Variants in PPIL2 observed in about 807,000 individuals in gnomAD.
PPIL2 encodes the protein peptidylprolyl isomerase like 2, also known as RING-type E3 ubiquitin-protein ligase PPIL2.
In PPIL2, 50 loss-of-function variants were observed where a neutral mutation model predicts 75.2. The ratio of observed to expected loss-of-function variants is 0.66; its 90% CI spans 0.53 to 0.84. The LOEUF (loss-of-function observed/expected upper bound fraction) is 0.84, where lower values mean the gene tolerates loss of function less well. PPIL2 is among the 40% of genes least tolerant of loss of function. The pLI is 0.00. For missense variants in PPIL2, 590 were observed against 685.0 expected, an observed-to-expected ratio of 0.86 and a Z score of 1.55; for synonymous variants, 245 against 258.8, an observed-to-expected ratio of 0.95 and a Z score of 0.51.
Position 21,671,469 on chromosome 22 carries a change from T to C in PPIL2, c.191+410T>C, listed in dbSNP as rs1283021189. ...ATAACACTGTGAACACTGTGAAGTG[T>C]TGACAGGTAACACTCTGTGGATCTA... is the stretch of plus-strand genomic sequence containing the variant. On this transcript the variant is annotated intron_variant, in intron 4 of 19. Coordinates refer to ENST00000398831, the MANE Select transcript of PPIL2 (RefSeq NM_014337.4). Among the ~76,000 whole-genome samples, 5 of 152,382 alleles carry C rather than the reference T, an allele frequency of 3.3e-5. No individual in the cohort carries two copies. In the East Asian group the frequency reaches 7.7e-4, roughly 23 times the overall value.
At chr22:21,673,735 T>G (rs1159107446) in intron 5 of PPIL2, 1 of 152,520 alleles carries the variant, frequency 6.6e-6, no homozygotes, top group East Asian at 1.9e-4. Context: ...TGCTGTGTGC[T>G]TGCTTGGCCA....
intron 1 of PPIL2, among the ~76,000 whole-genome samples, chr22:21,669,639 A>C (rs1416702892): frequency 6.6e-6 from 1 of 152,204 alleles, no homozygotes; most frequent in East Asian, 1.9e-4. Context: ...AGCTGGGATT[A>C]CAGGCACCCA....
rs2067946856 is a variant in PPIL2, at chr22:21,696,678, A to G, written c.*1188A>G. ...CCACCCCCCACTTCTAGTTCTTCAC[A>G]CTAAGCCCTAACTTAGGCCTTGTTC... On this transcript the variant is annotated 3_prime_UTR_variant, in exon 20 of 20. Coordinates refer to ENST00000398831, the MANE Select transcript of PPIL2 (RefSeq NM_014337.4). 5 of 1,533,376 alleles carry G rather than the reference A, an allele frequency of 3.3e-6. No homozygotes were observed. The highest frequency in any genetic ancestry group is 1.4e-5 in the African/African-American group (1 of 73,066). 95.0% of individuals were successfully genotyped at this position (1,533,376 alleles called of 1,614,324 possible). A position where few individuals can be genotyped will look rare whatever the true frequency, so the allele number is the denominator to read the frequency against.
At chr22:21,666,963 A>C (rs2066409478) in intron 1 of PPIL2, among the ~76,000 whole-genome samples, 1 of 62,816 alleles carries the variant, frequency 1.6e-5, no homozygotes, top group Non-Finnish European at 3.5e-5. Context: ...CTCAAGTCAG[A>C]ATTTCGACCC....
rs1238950266 is a variant in PPIL2 at position 21,688,645 on chromosome 22, C to T, written c.1022-87C>T. 1.2e-5 allele frequency: 16 copies of T among 1,318,152 alleles called. 1 individual carries two copies. The highest frequency in any genetic ancestry group is 5.8e-5 in the African/African-American group (4 of 68,706). 81.7% of individuals were successfully genotyped at this position (1,318,152 alleles called of 1,614,324 possible). A position where few individuals can be genotyped will look rare whatever the true frequency, so the allele number is the denominator to read the frequency against. On this transcript the variant is annotated intron_variant, in intron 14 of 19. Coordinates refer to ENST00000398831, the MANE Select transcript of PPIL2 (RefSeq NM_014337.4). ...TGCCCCAGGCTGGGCTCAGCAAGGCCCTGATGCCCCTCGGGACTCTGAGGT... is the reference window on the plus strand; with the variant it reads ...TGCCCCAGGCTGGGCTCAGCAAGGCTCTGATGCCCCTCGGGACTCTGAGGT...
intron 1 of PPIL2, among the ~76,000 whole-genome samples, chr22:21,668,119 T>C (rs750384881): frequency 3.9e-4 from 59 of 152,006 alleles, no homozygotes; most frequent in Admixed American, 2.6e-4. Flanking sequence ...ACTCTTGATT[T>C]TCAGCTCTTG....
At chr22:21,666,276 C>T (rs1334882903) in intron 1 of PPIL2, 145 bp downstream of exon 1, 1 of 1,004,488 alleles carries the variant, frequency 1.0e-6, no homozygotes, top group Non-Finnish European at 1.4e-6. Flanking sequence ...GCCGCCCTGT[C>T]TCCAGTCAGG....
Position 21,672,395 on chromosome 22 carries a change from C to T in PPIL2, c.243+14C>T, listed in dbSNP as rs1183754298. On this transcript the variant is annotated intron_variant, in intron 5 of 19. Transcript: ENST00000398831. ...AGCAATGGAGAGGTAGGTGGCTGTGCAGGAGTTTCAGTGATGCTAGTGAAT... is the reference window on the plus strand; with the variant it reads ...AGCAATGGAGAGGTAGGTGGCTGTGTAGGAGTTTCAGTGATGCTAGTGAAT... 1.3e-6 allele frequency: 2 copies of T among 1,594,214 alleles called. No individual in the cohort carries two copies. Among genetic ancestry groups the T allele is most frequent in the South Asian group, 1.1e-5 (1 of 90,646 alleles).
chr22:21,685,499 T>C (rs2067318460), intron 10 of PPIL2: 2 of 361,696 alleles, frequency 5.5e-6, no homozygotes, highest in African/African-American at 2.2e-5. Flanking sequence ...GGCAGGTAGC[T>C]CTGAAGTTCT....
chr22:21,675,239 C>T (rs1271308925), intron 6 of PPIL2, 124 bp downstream of exon 6: 20 of 946,394 alleles, frequency 2.1e-5, no homozygotes, highest in Admixed American at 1.1e-4. Flanking sequence ...CTTTTAATTC[C>T]GCAAAAAGTG....
chr22:21,670,060 C>T (rs897504720), intron 2 of PPIL2, 98 bp downstream of exon 2: 18 of 1,280,958 alleles, frequency 1.4e-5, no homozygotes, highest in Admixed American at 1.8e-5. Flanking sequence ...AACAAGAACA[C>T]GGAAACTATG....
intron 9 of PPIL2, 103 bp downstream of exon 9, chr22:21,683,360 C>T (rs2067211175): frequency 6.3e-6 from 6 of 949,222 alleles, no homozygotes; most frequent in Non-Finnish European, 9.9e-6. Context: ...CAGGGGGTCC[C>T]AGCCCAGACA....
At chr22:21,682,872 C>T (rs1204701911) in intron 8 of PPIL2, among the ~76,000 whole-genome samples, 1 of 152,228 alleles carries the variant, frequency 6.6e-6, no homozygotes, top group East Asian at 1.9e-4. Context: ...CAGAGGTCGG[C>T]CCACGGCTGC....
Position 21,686,605 on chromosome 22 carries a change from G to A in PPIL2, c.790+47G>A, listed in dbSNP as rs1243111005. 4.4e-6 allele frequency: 7 copies of A among 1,577,384 alleles called. 1 individual carries two copies. In the South Asian group the frequency reaches 6.6e-5, roughly 15 times the overall value. On this transcript the variant is annotated intron_variant, in intron 11 of 19. Coordinates refer to ENST00000398831, the MANE Select transcript of PPIL2 (RefSeq NM_014337.4). ...GCCACCTGCCATGTGACCCAAAAGTGGCAGGGGGTGGGTGTGCTCCCCGAC... is the reference window on the plus strand; with the variant it reads ...GCCACCTGCCATGTGACCCAAAAGTAGCAGGGGGTGGGTGTGCTCCCCGAC...
intron 1 of PPIL2, 94 bp downstream of exon 1, chr22:21,666,225 TC>T: frequency 7.1e-7 from 1 of 1,402,042 alleles, no homozygotes; most frequent in Non-Finnish European, 9.8e-7. Flanking sequence ...TCTCAGCTAC[TC>T]CCCAGAGCAC....
At position 21,696,665 on chromosome 22, in the gene PPIL2, T is replaced by G; in HGVS notation, c.*1175T>G. ...TGTTGCCCTCAGGCCACCCCCCACT[T>G]CTAGTTCTTCACACTAAGCCCTAAC... On this transcript the variant is annotated 3_prime_UTR_variant, in exon 20 of 20. Transcript: ENST00000398831. 1.3e-6 allele frequency: 2 copies of G among 1,529,934 alleles called. No individual in the cohort carries two copies. Among genetic ancestry groups the G allele is most frequent in the Admixed American group, 2.0e-5 (1 of 50,730 alleles). 94.8% of individuals were successfully genotyped at this position (1,529,934 alleles called of 1,614,324 possible).
At position 21,696,741 on chromosome 22, in the gene PPIL2, T is replaced by TGTCA. The variant is rs755699930; in HGVS notation, c.*1253_*1256dup. On this transcript the variant is annotated 3_prime_UTR_variant, in exon 20 of 20. Coordinates refer to ENST00000398831, the MANE Select transcript of PPIL2 (RefSeq NM_014337.4). Reference sequence around the variant, plus strand: ...TTTTTGTTGCCCCAAATCTTGAACCTGTCAGCAACTTGCAGGCTGTACCTC... The same window carrying TGTCA: ...TTTTTGTTGCCCCAAATCTTGAACCTGTCAGTCAGCAACTTGCAGGCTGTACCTC... 1.4e-4 allele frequency: 221 copies of TGTCA among 1,539,814 alleles called. No individual in the cohort carries two copies. Among genetic ancestry groups the TGTCA allele is most frequent in the Non-Finnish European group, 1.8e-4 (208 of 1,146,764 alleles).
intron 14 of PPIL2, among the ~76,000 whole-genome samples, chr22:21,688,493 G>C (rs1313428242): frequency 2.0e-5 from 3 of 152,210 alleles, no homozygotes; most frequent in South Asian, 4.1e-4. Flanking sequence ...TTTAATCCCT[G>C]TCCCGGGGCA....
chr22:21,672,205 TCC>T (rs1164983000), intron 4 of PPIL2, 123 bp from the exon 5 acceptor site: 2 of 743,694 alleles, frequency 2.7e-6, no homozygotes, highest in African/African-American at 3.5e-5. Flanking sequence ...GCTCTTCCTC[TCC>T]TAAAGTGAAG....
Sources: gnomAD v4.1 joint callset for allele counts (sites outside exome capture counted in the v4.1 genomes callset) on GRCh38, gnomAD v4.1.1 for gene constraint, MANE v1.5 for transcripts, NCBI Gene and HGNC (gene_info 2026-07-23, HGNC 2026-07-21) for gene names.